The following WLS variants were observed in gnomAD, a reference collection of about 807,000 sequenced individuals.
WLS encodes the protein Wnt ligand secretion mediator.
A neutral mutation model predicts 62.8 loss-of-function variants in WLS; 23 were observed. The observed-to-expected ratio is 0.37, with a 90% CI of 0.26 to 0.52. The LOEUF (loss-of-function observed/expected upper bound fraction) is 0.52, where lower values mean the gene tolerates loss of function less well. Among genes scored for constraint, WLS ranks in the 20% least tolerant of loss-of-function variants. The pLI, the probability that WLS is intolerant of heterozygous loss-of-function variation, is 0.92. For missense variants in WLS, 615 were observed against 697.3 expected (o/e 0.88, Z 1.33); for synonymous variants, 246 against 244.1 (o/e 1.01, Z -0.07).
At chr1:68,149,231 T>C (rs1646793024) in intron 6 of WLS, among the ~76,000 whole-genome samples, 1 of 152,090 alleles carries the variant, frequency 6.6e-6, no homozygotes, top group South Asian at 2.1e-4. Flanking sequence ...GATCTTAGCC[T>C]CCAGGTGGGG....
chr1:68,129,954 C>T (rs1222170699), intron 11 of WLS, among the ~76,000 whole-genome samples: 1 of 152,242 alleles, frequency 6.6e-6, no homozygotes, highest in Non-Finnish European at 1.5e-5. Flanking sequence ...AGCTCATTAA[C>T]AATTAGATGA....
At chr1:68,139,970 C>T (rs577205115) in intron 10 of WLS, among the ~76,000 whole-genome samples, 15 of 152,254 alleles carry the variant, frequency 9.9e-5, no homozygotes, top group Admixed American at 3.9e-4. Context: ...CATTGCTTTC[C>T]GTTATACTTA....
intron 10 of WLS, chr1:68,142,760 A>G (rs1646702620): frequency 1.3e-5 from 2 of 152,178 alleles, no homozygotes. Context: ...CAGAGCTAGC[A>G]ACACTAACAC....
chr1:68,217,449 A>G (rs1369562670), intron 1 of WLS, among the ~76,000 whole-genome samples: 1 of 152,192 alleles, frequency 6.6e-6, no homozygotes, highest in Admixed American at 6.5e-5. Context: ...AAGCTAATTT[A>G]TCATGAGGAC....
At chr1:68,193,744 TA>T in intron 2 of WLS, 2 of 589,092 alleles carry the variant, frequency 3.4e-6, no homozygotes, top group Non-Finnish European at 5.8e-6. Context: ...GTTCCATCTG[TA>T]AAATGAAATA....
chr1:68,210,248 T>A (rs909166837), intron 1 of WLS, among the ~76,000 whole-genome samples: 1 of 152,086 alleles, frequency 6.6e-6, no homozygotes, highest in Admixed American at 6.5e-5. Context: ...GGGAAGGCAA[T>A]CACCAGAAAG....
Position 68,163,979 on chromosome 1 carries a change from G to T in WLS, c.380-4732C>A, listed in dbSNP as rs562352768. 2.6e-5 allele frequency among the ~76,000 whole-genome samples: 4 copies of T among 152,288 alleles called. No individual in the cohort carries two copies. In the East Asian group the frequency reaches 7.7e-4, roughly 29 times the overall value. On this transcript the variant is annotated intron_variant, in intron 2 of 11. Coordinates refer to ENST00000262348, the MANE Select transcript of WLS (RefSeq NM_024911.7). ...GGCTTAAAGCTGACATGGCAGCATG[G>T]CAGATCCCTGGTTCTCAGAAGAAAT...
Position 68,226,551 on chromosome 1 carries a change from T to C in WLS, c.106+5643A>G, listed in dbSNP as rs147931383. 4.9e-3 allele frequency among the ~76,000 whole-genome samples: 745 copies of C among 152,316 alleles called. 8 individuals are homozygous for C. Among genetic ancestry groups the C allele is most frequent in the African/African-American group, 0.017 (693 of 41,572 alleles). The stretch of plus-strand genomic sequence containing the variant: ...ATAATTAGTAGGGGTTCTAATTTCA[T>C]ACATTCTCGAATTCCCAATAAATAA... On this transcript the variant is annotated intron_variant, in intron 1 of 11. Transcript: ENST00000262348.
chr1:68,209,056 C>G (rs1193055385), intron 1 of WLS, among the ~76,000 whole-genome samples: 1 of 152,074 alleles, frequency 6.6e-6, no homozygotes, highest in Non-Finnish European at 1.5e-5. Flanking sequence ...GGGGGTTTGG[C>G]TTGTGCACTG....
At chr1:68,172,625 A>G (rs534353787) in intron 2 of WLS, among the ~76,000 whole-genome samples, 3 of 152,320 alleles carry the variant, frequency 2.0e-5, no homozygotes, top group Admixed American at 1.3e-4. Context: ...GCACAAAAAG[A>G]TCAAGAGTTC....
intron 11 of WLS, chr1:68,098,766 G>T (rs933580814): frequency 2.5e-6 from 4 of 1,612,964 alleles, no homozygotes; most frequent in Non-Finnish European, 3.4e-6. Context: ...GGAAAATTCA[G>T]TATATTTTAA....
chr1:68,224,555 G>A (rs1650060093), intron 1 of WLS, among the ~76,000 whole-genome samples: 1 of 152,168 alleles, frequency 6.6e-6, no homozygotes, highest in Non-Finnish European at 1.5e-5. Flanking sequence ...TTTGCTGTAT[G>A]CAATAATTTC....
At chr1:68,107,131 G>C (rs552968599) in intron 11 of WLS, among the ~76,000 whole-genome samples, 1 of 152,148 alleles carries the variant, frequency 6.6e-6, no homozygotes, top group South Asian at 2.1e-4. Context: ...ATGAAAATAA[G>C]ACAAAATTAT....
At chr1:68,229,084 TAC>T (rs917924345) in intron 1 of WLS, among the ~76,000 whole-genome samples, 3 of 152,056 alleles carry the variant, frequency 2.0e-5, no homozygotes, top group African/African-American at 4.8e-5. Flanking sequence ...CTGAAAGAGT[TAC>T]ACAATTTTAG....
intron 11 of WLS, among the ~76,000 whole-genome samples, chr1:68,132,410 C>T (rs1056599878): frequency 4.6e-5 from 7 of 152,208 alleles, no homozygotes; most frequent in Admixed American, 3.3e-4. Context: ...AATGTACAAT[C>T]AGGGAGATGG....
At chr1:68,155,646 G>A (rs1027208649) in intron 3 of WLS, among the ~76,000 whole-genome samples, 6 of 152,124 alleles carry the variant, frequency 3.9e-5, no homozygotes, top group African/African-American at 1.4e-4. Context: ...GGTCCTCTAA[G>A]GCTCTGTGGA....
chr1:68,182,235 A>G (rs1404989006), intron 2 of WLS, among the ~76,000 whole-genome samples: 1 of 152,254 alleles, frequency 6.6e-6, no homozygotes, highest in Non-Finnish European at 1.5e-5. Context: ...GCAAATACTT[A>G]ACAAAACCCA....
intron 1 of WLS, among the ~76,000 whole-genome samples, chr1:68,199,800 G>A (rs1052021266): frequency 1.3e-5 from 2 of 152,162 alleles, no homozygotes; most frequent in African/African-American, 4.8e-5. Flanking sequence ...TCTCTGCCCT[G>A]TAAGTAGCCA....
intron 10 of WLS, chr1:68,141,303 C>A (rs1299826240): frequency 1.3e-5 from 2 of 152,210 alleles, no homozygotes; most frequent in Non-Finnish European, 2.9e-5. Context: ...CTGCATGTGG[C>A]TTGACCTGAA....
Sources: allele counts gnomAD v4.1 joint callset (sites outside exome capture counted in the v4.1 genomes callset), GRCh38; gene constraint gnomAD v4.1.1; transcripts MANE v1.5; gene names NCBI Gene and HGNC (gene_info 2026-07-23, HGNC 2026-07-21).